C10orf90: variants seen among roughly 807,000 people sequenced by gnomAD.
C10orf90 encodes chromosome 10 open reading frame 90.
Under a neutral mutation model 62.5 loss-of-function variants are expected in C10orf90, and 56 were observed. That is an observed-to-expected ratio of 0.90 (90% CI 0.72 to 1.12). The LOEUF is 1.12. Among genes scored for constraint, C10orf90 ranks in the 50% most tolerant of loss-of-function variants. C10orf90 has a pLI of 0.00. For missense variants in C10orf90, 970 were observed against 880.4 expected, an observed-to-expected ratio of 1.10 and a Z score of -1.29; for synonymous variants, 386 against 340.4, an observed-to-expected ratio of 1.13 and a Z score of -1.47.
chr10:126,615,074 CTT>C (rs1175266977), intron 2 of C10orf90, among the ~76,000 whole-genome samples: 1 of 152,172 alleles, frequency 6.6e-6, no homozygotes, highest in East Asian at 1.9e-4. Flanking sequence ...CTGGAGCTCT[CTT>C]AGTGTTTTCT....
At position 126,513,927 on chromosome 10, in the gene C10orf90, C is replaced by T. The variant is rs2133919544; in HGVS notation, c.326G>A (p.Ser109Asn). 1 of 1,612,240 alleles carries T rather than the reference C, an allele frequency of 6.2e-7. No individual in the cohort carries two copies. Among genetic ancestry groups the T allele is most frequent in the Non-Finnish European group, 8.5e-7 (1 of 1,178,852 alleles). The change falls in exon 3 of 10, where the codon AGC (serine) becomes AAC (asparagine). Residue 109 changes from serine to asparagine, a missense_variant. By Grantham distance (46) the Ser-to-Asn change is conservative (BLOSUM62 1). Coordinates refer to ENST00000488181, the MANE Select transcript of C10orf90 (RefSeq NM_001350921.2). ...AATTTGATCTCTTCTACTGTGGTAG[C>T]TGTCCCGTAATCCTAGGCAAAAGAA... ...ESLSNAGLRDSYHSRRDQIAL... is the reference protein window; with the variant it reads ...ESLSNAGLRDNYHSRRDQIAL...
intron 6 of C10orf90, 93 bp downstream of exon 6, chr10:126,461,308 C>G: frequency 4.2e-6 from 6 of 1,439,276 alleles, no homozygotes; most frequent in Non-Finnish European, 5.7e-6. Flanking sequence ...GGTTTCCAGC[C>G]TCAGAGGTGC....
intron 2 of C10orf90, among the ~76,000 whole-genome samples, chr10:126,609,389 G>C (rs1218559231): frequency 6.6e-6 from 1 of 152,116 alleles, no homozygotes; most frequent in Non-Finnish European, 1.5e-5. Context: ...GGCAAAAAGA[G>C]TGAAACTCCA....
At chr10:126,559,879 G>A (rs563674822) in intron 2 of C10orf90, among the ~76,000 whole-genome samples, 3 of 152,082 alleles carry the variant, frequency 2.0e-5, no homozygotes, top group Non-Finnish European at 2.9e-5. Flanking sequence ...AATACTTGCC[G>A]GAAATTCTAC....
chr10:126,484,450 T>C (rs961066167), intron 4 of C10orf90, among the ~76,000 whole-genome samples: 1 of 152,168 alleles, frequency 6.6e-6, no homozygotes, highest in Non-Finnish European at 1.5e-5. Context: ...ATTTCTTAAG[T>C]AGGAAATATA....
chr10:126,474,879 C>T (rs935214674), intron 4 of C10orf90, among the ~76,000 whole-genome samples: 4 of 152,220 alleles, frequency 2.6e-5, no homozygotes, highest in South Asian at 2.1e-4. Context: ...CCAACATCAT[C>T]GGCTCATTTG....
intron 7 of C10orf90, among the ~76,000 whole-genome samples, chr10:126,444,901 A>AG (rs1858645489): frequency 6.6e-6 from 1 of 152,166 alleles, no homozygotes. Context: ...GACAAAGCAA[A>AG]CAAAAACATA....
chr10:126,499,811 A>G (rs2133868439), intron 4 of C10orf90, among the ~76,000 whole-genome samples: 1 of 152,352 alleles, frequency 6.6e-6, no homozygotes, highest in East Asian at 1.9e-4. Context: ...AGATGTGGAC[A>G]GCGTATTCAC....
intron 2 of C10orf90, among the ~76,000 whole-genome samples, chr10:126,582,363 C>T (rs1844770388): frequency 6.6e-6 from 1 of 152,230 alleles, no homozygotes; most frequent in African/African-American, 2.4e-5. Context: ...TACTCTGCTT[C>T]CCTGATGGAT....
intron 2 of C10orf90, among the ~76,000 whole-genome samples, chr10:126,567,801 G>T (rs1003699336): frequency 6.6e-6 from 1 of 152,138 alleles, no homozygotes; most frequent in African/African-American, 2.4e-5. Flanking sequence ...GATGGGGGAT[G>T]GTGCCCCCTC....
At chr10:126,553,791 A>T (rs539283610) in intron 2 of C10orf90, among the ~76,000 whole-genome samples, 1 of 152,196 alleles carries the variant, frequency 6.6e-6, no homozygotes, top group African/African-American at 2.4e-5. Context: ...CTCAGAACCT[A>T]TCTCCATTGT....
chr10:126,584,487 G>T (rs1844819505), intron 2 of C10orf90, among the ~76,000 whole-genome samples: 1 of 152,174 alleles, frequency 6.6e-6, no homozygotes, highest in East Asian at 1.9e-4. Flanking sequence ...TGTTCAACAG[G>T]CACCATGAGC....
At chr10:126,490,311 C>T (rs1279802703) in intron 4 of C10orf90, among the ~76,000 whole-genome samples, 1 of 151,176 alleles carries the variant, frequency 6.6e-6, no homozygotes, top group Non-Finnish European at 1.5e-5. Flanking sequence ...ATATGACATA[C>T]CTAGAGTGGT....
At chr10:126,565,004 A>ATT (rs1844296270) in intron 2 of C10orf90, among the ~76,000 whole-genome samples, 1 of 14,004 alleles carries the variant, frequency 7.1e-5, no homozygotes, top group Admixed American at 1.7e-3. Context: ...TATTATATAT[A>ATT]ATATATATAA....
chr10:126,471,514 G>C (rs143406447), intron 4 of C10orf90, among the ~76,000 whole-genome samples: 1 of 152,326 alleles, frequency 6.6e-6, no homozygotes, highest in Non-Finnish European at 1.5e-5. Flanking sequence ...AGCTTGGGCA[G>C]ATGGTCAGGA....
intron 2 of C10orf90, among the ~76,000 whole-genome samples, chr10:126,563,185 C>T (rs1229356627): frequency 2.0e-5 from 3 of 152,214 alleles, no homozygotes; most frequent in Non-Finnish European, 2.9e-5. Context: ...CCACTCACTG[C>T]CTTGGGCCCC....
At position 126,553,893 on chromosome 10, in the gene C10orf90, G is replaced by A. The variant is rs532605305; in HGVS notation, c.314-39954C>T. ...AGAAAGGATGTAGAAAAACCGCAAC[G>A]CCCATACATTGCTAGTGTGAAGCTA... On this transcript the variant is annotated intron_variant, in intron 2 of 9. Transcript: ENST00000488181. 2.8e-4 allele frequency among the ~76,000 whole-genome samples: 42 copies of A among 152,086 alleles called. 1 individual carries two copies. In the South Asian group the frequency reaches 6.9e-3, roughly 25 times the overall value.
chr10:126,429,302 C>A (rs1341631537), intron 8 of C10orf90, among the ~76,000 whole-genome samples: 1 of 152,118 alleles, frequency 6.6e-6, no homozygotes, highest in Non-Finnish European at 1.5e-5. Context: ...AGACAGAGTA[C>A]CAGGAAACCT....
At chr10:126,639,619 A>T (rs1041562155) in intron 2 of C10orf90, among the ~76,000 whole-genome samples, 1 of 152,180 alleles carries the variant, frequency 6.6e-6, no homozygotes, top group Admixed American at 6.5e-5. Context: ...TGATTTCCTC[A>T]CATCTGGATG....
Sources: gnomAD v4.1 joint callset for allele counts (sites outside exome capture counted in the v4.1 genomes callset) on GRCh38, gnomAD v4.1.1 for gene constraint, MANE v1.5 for transcripts, NCBI Gene and HGNC (gene_info 2026-07-23, HGNC 2026-07-21) for gene names.